The following CLSTN2 variants were observed in gnomAD, a reference collection of about 807,000 sequenced individuals.
CLSTN2 encodes calsyntenin-2.
CLSTN2 carries 48 observed loss-of-function variants against 101.2 expected under a neutral mutation model. The ratio of observed to expected loss-of-function variants is 0.47; its 90% confidence interval spans 0.38 to 0.60. The LOEUF is 0.60. Among genes scored for constraint, CLSTN2 ranks in the 20% least tolerant of loss-of-function variants. The pLI is 0.00. For missense variants in CLSTN2, 1,160 were observed against 1,238.2 expected (o/e 0.94, Z 0.95); for synonymous variants, 481 against 463.6 (o/e 1.04, Z -0.48).
chr3:140,354,251 A>G (rs1202922018), intron 2 of CLSTN2, among the ~76,000 whole-genome samples: 1 of 152,164 alleles, frequency 6.6e-6, no homozygotes, highest in African/African-American at 2.4e-5. Context: ...ATTAGGATGG[A>G]ACTTTGGGCT....
At chr3:140,464,843 C>T (rs1253830175) in intron 7 of CLSTN2, among the ~76,000 whole-genome samples, 1 of 152,194 alleles carries the variant, frequency 6.6e-6, no homozygotes. Context: ...AATGGTCCCC[C>T]AGATGTTGGC....
intron 8 of CLSTN2, among the ~76,000 whole-genome samples, chr3:140,476,592 G>C (rs189962268): frequency 3.4e-4 from 51 of 151,880 alleles, no homozygotes; most frequent in African/African-American, 1.2e-3. Flanking sequence ...TTAGAACCAG[G>C]CATGGATGTC....
At chr3:140,495,033 C>T (rs187432520) in intron 8 of CLSTN2, among the ~76,000 whole-genome samples, 3 of 152,194 alleles carry the variant, frequency 2.0e-5, no homozygotes, top group African/African-American at 4.8e-5. Context: ...TTTGCAGAAC[C>T]GCCACACTGT....
At chr3:140,485,205 G>C (rs572329572) in intron 8 of CLSTN2, among the ~76,000 whole-genome samples, 4 of 152,338 alleles carry the variant, frequency 2.6e-5, no homozygotes, top group African/African-American at 9.6e-5. Flanking sequence ...GTCTGTTGGA[G>C]TTTGCTAGAG....
intron 2 of CLSTN2, among the ~76,000 whole-genome samples, chr3:140,312,613 C>T (rs2087181280): frequency 6.6e-6 from 1 of 152,176 alleles, no homozygotes; most frequent in Non-Finnish European, 1.5e-5. Context: ...AGCTGGACAC[C>T]TCTGGGTCTC....
intron 2 of CLSTN2, among the ~76,000 whole-genome samples, chr3:140,200,357 G>T (rs1338251465): frequency 6.6e-6 from 1 of 152,120 alleles, no homozygotes; most frequent in African/African-American, 2.4e-5. Flanking sequence ...GATCCCCTAA[G>T]TCATTTCAGG....
At chr3:140,059,795 G>A (rs2008166305) in intron 1 of CLSTN2, among the ~76,000 whole-genome samples, 2 of 152,104 alleles carry the variant, frequency 1.3e-5, no homozygotes, top group African/African-American at 4.8e-5. Flanking sequence ...AAATTGCAAT[G>A]GGAGGTATTT....
At chr3:140,099,589 C>T (rs969394173) in intron 1 of CLSTN2, among the ~76,000 whole-genome samples, 1 of 152,102 alleles carries the variant, frequency 6.6e-6, no homozygotes, top group Non-Finnish European at 1.5e-5. Flanking sequence ...TGTCAGGGGG[C>T]CACTATTCAA....
chr3:140,165,210 T>C (rs1163546082), intron 1 of CLSTN2, among the ~76,000 whole-genome samples: 1 of 152,212 alleles, frequency 6.6e-6, no homozygotes, highest in African/African-American at 2.4e-5. Context: ...TTGTCTCTGA[T>C]TAAGTGATGG....
chr3:140,044,293 T>C (rs1338386715), intron 1 of CLSTN2, among the ~76,000 whole-genome samples: 1 of 152,196 alleles, frequency 6.6e-6, no homozygotes, highest in Non-Finnish European at 1.5e-5. Flanking sequence ...TTGAAGCAAT[T>C]GTGAATGGGA....
At chr3:140,052,821 C>A (rs934852605) in intron 1 of CLSTN2, among the ~76,000 whole-genome samples, 1 of 152,246 alleles carries the variant, frequency 6.6e-6, no homozygotes, top group Non-Finnish European at 1.5e-5. Flanking sequence ...TATTCACAGG[C>A]TGTGTGGTCT....
At chr3:140,091,005 C>T (rs1325058689) in intron 1 of CLSTN2, among the ~76,000 whole-genome samples, 2 of 152,154 alleles carry the variant, frequency 1.3e-5, no homozygotes, top group Admixed American at 6.5e-5. Context: ...CTCTGGGCTG[C>T]TCCTACATAA....
chr3:140,520,957 A>T (rs1935011590), intron 8 of CLSTN2, among the ~76,000 whole-genome samples: 1 of 151,634 alleles, frequency 6.6e-6, no homozygotes, highest in Non-Finnish European at 1.5e-5. Flanking sequence ...ATTGATACTC[A>T]TGATTGCACT....
intron 1 of CLSTN2, among the ~76,000 whole-genome samples, chr3:139,997,336 C>T (rs2006693548): frequency 2.5e-5 from 1 of 40,418 alleles, no homozygotes; most frequent in South Asian, 1.6e-3. Flanking sequence ...CATTCTGCTT[C>T]ATTTGTCAGA....
chr3:140,176,698 A>G (rs1051391933), intron 2 of CLSTN2, among the ~76,000 whole-genome samples: 2 of 152,212 alleles, frequency 1.3e-5, no homozygotes, highest in African/African-American at 4.8e-5. Flanking sequence ...GAACTCGGCT[A>G]TGCTTCATGC....
chr3:140,304,178 A>G (rs1202633189), intron 2 of CLSTN2, among the ~76,000 whole-genome samples: 1 of 152,160 alleles, frequency 6.6e-6, no homozygotes, highest in Non-Finnish European at 1.5e-5. Context: ...ATTTTCCGAT[A>G]ACTGTGGCTA....
intron 1 of CLSTN2, among the ~76,000 whole-genome samples, chr3:140,117,501 C>A (rs1560099964): frequency 6.6e-6 from 1 of 152,152 alleles, no homozygotes; most frequent in Admixed American, 6.5e-5. Flanking sequence ...TCAGAGCCAG[C>A]CTATGACATG....
intron 8 of CLSTN2, among the ~76,000 whole-genome samples, chr3:140,501,683 T>C (rs1934579840): frequency 1.3e-5 from 2 of 152,238 alleles, no homozygotes; most frequent in African/African-American, 4.8e-5. Context: ...CCATTTGACC[T>C]ACAAGAATCC....
chr3:140,459,953 C>T (rs548666424), intron 7 of CLSTN2, among the ~76,000 whole-genome samples, 184 bp downstream of exon 7: 6 of 152,184 alleles, frequency 3.9e-5, no homozygotes, highest in Admixed American at 2.6e-4. Context: ...CTTGGCTTGA[C>T]GTAGAGCAGG....
Sources: allele counts gnomAD v4.1 joint callset (sites outside exome capture counted in the v4.1 genomes callset), GRCh38; gene constraint gnomAD v4.1.1; transcripts MANE v1.5; gene names NCBI Gene and HGNC (gene_info 2026-07-23, HGNC 2026-07-21).